MYO5B: variants seen among roughly 807,000 people sequenced by gnomAD.
MYO5B encodes myosin VB, also known as unconventional myosin-Vb.
Under a neutral mutation model 229.3 loss-of-function variants are expected in MYO5B, and 143 were observed. The observed-to-expected ratio is 0.62, with a 90% CI of 0.54 to 0.72. The LOEUF (loss-of-function observed/expected upper bound fraction) is 0.72. Among genes scored for constraint, MYO5B ranks in the 30% least tolerant of loss-of-function variants. The pLI is 0.00. For synonymous variants in MYO5B, 918 were observed against 885.2 expected (o/e 1.04, Z -0.66); for missense variants, 2,321 against 2,331.0 (o/e 1.00, Z 0.09).
intron 1 of MYO5B, among the ~76,000 whole-genome samples, chr18:50,113,155 C>CAA (rs2031896721): frequency 6.6e-6 from 1 of 152,148 alleles, no homozygotes; most frequent in Non-Finnish European, 1.5e-5. Flanking sequence ...CTGTAGTTTC[C>CAA]CATCCATTCT....
intron 33 of MYO5B, among the ~76,000 whole-genome samples, chr18:49,845,447 A>G (rs1382795144): frequency 2.0e-5 from 3 of 152,362 alleles, no homozygotes; most frequent in South Asian, 2.1e-4. Context: ...TCAGTCTTAC[A>G]TAAGTTTCTC....
At position 50,028,325 on chromosome 18, in the gene MYO5B, C is replaced by T. The variant is rs192873115; in HGVS notation, c.455+8525G>A. Among the ~76,000 whole-genome samples the T allele has an allele frequency of 6.3e-4, 96 of 152,272 alleles. No homozygotes were observed. In the East Asian group the frequency reaches 0.018, roughly 28 times the overall value. ...ATGAAACACCTGCCAAAAATAAATG[C>T]ATTTTCAGGCTCCATTAGAAATTCT... is the stretch of plus-strand genomic sequence containing the variant. On this transcript the variant is annotated intron_variant, in intron 4 of 39. Transcript: ENST00000285039.
intron 28 of MYO5B, 86 bp from the exon 29 acceptor site, chr18:49,863,413 T>G (rs2024355362): frequency 8.5e-7 from 1 of 1,178,548 alleles, no homozygotes; most frequent in Admixed American, 1.8e-5. Flanking sequence ...AAAACATGCC[T>G]TTGGGAAAAG....
At chr18:50,191,148 A>G (rs1431301091) in intron 1 of MYO5B, among the ~76,000 whole-genome samples, 1 of 152,258 alleles carries the variant, frequency 6.6e-6, no homozygotes, top group Non-Finnish European at 1.5e-5. Flanking sequence ...GACCATGGTT[A>G]GGCAACTACA....
intron 30 of MYO5B, among the ~76,000 whole-genome samples, chr18:49,854,536 A>AT (rs1176837130): frequency 1.3e-5 from 2 of 152,220 alleles, no homozygotes; most frequent in Non-Finnish European, 2.9e-5. Flanking sequence ...CAGCTTTCCG[A>AT]TTCAGTGCAG....
chr18:49,937,635 C>T (rs897125203), intron 14 of MYO5B, among the ~76,000 whole-genome samples: 7 of 152,124 alleles, frequency 4.6e-5, no homozygotes, highest in African/African-American at 1.7e-4. Context: ...GATTATTCAA[C>T]ATTATTAATA....
At chr18:49,861,169 A>C (rs1371337919) in intron 29 of MYO5B, among the ~76,000 whole-genome samples, 3 of 152,194 alleles carry the variant, frequency 2.0e-5, no homozygotes, top group African/African-American at 7.2e-5. Context: ...CAGGCTATTA[A>C]TTTCCTATTG....
chr18:49,877,720 T>A (rs201795339), intron 25 of MYO5B, 43 bp downstream of exon 25: 10 of 1,612,178 alleles, frequency 6.2e-6, no homozygotes, highest in African/African-American at 1.3e-5. Context: ...AAACACACAC[T>A]CCCTCTGGAG....
chr18:50,114,845 A>G (rs1005746120), intron 1 of MYO5B, among the ~76,000 whole-genome samples: 1 of 152,310 alleles, frequency 6.6e-6, no homozygotes, highest in African/African-American at 2.4e-5. Flanking sequence ...GATAAAGCCC[A>G]TGACAGGAGG....
intron 1 of MYO5B, among the ~76,000 whole-genome samples, chr18:50,139,906 T>C (rs2032392275): frequency 6.6e-6 from 1 of 152,210 alleles, no homozygotes; most frequent in Admixed American, 6.5e-5. Context: ...AGTCTACACA[T>C]AAATATACAT....
chr18:49,917,213 C>T (rs1342253138), intron 17 of MYO5B, among the ~76,000 whole-genome samples: 2 of 152,204 alleles, frequency 1.3e-5, no homozygotes, highest in African/African-American at 2.4e-5. Context: ...CTCTGATCCA[C>T]GTTTAACCCT....
chr18:49,855,245 A>G lies in MYO5B; in HGVS notation c.4022+1568T>C, dbSNP rs183645244. Among the ~76,000 whole-genome samples the G allele has an allele frequency of 2.9e-4, 44 of 152,308 alleles. No individual in the cohort carries two copies. In the East Asian group the frequency reaches 6.9e-3, roughly 24 times the overall value. ...GTTCACTGTTCATGTCTTATTCTCC[A>G]GGTGGACTGTAGCTGACTCAGCCAG... is the stretch of plus-strand genomic sequence containing the variant. On this transcript the variant is annotated intron_variant, in intron 30 of 39. Transcript: ENST00000285039.
At chr18:50,165,263 AC>A (rs2032828953) in intron 1 of MYO5B, among the ~76,000 whole-genome samples, 1 of 151,882 alleles carries the variant, frequency 6.6e-6, no homozygotes, top group Non-Finnish European at 1.5e-5. Flanking sequence ...CAGGAGGATC[AC>A]TTGAGTCCAG....
At chr18:49,900,744 G>A (rs550762000) in intron 21 of MYO5B, among the ~76,000 whole-genome samples, 1 of 152,174 alleles carries the variant, frequency 6.6e-6, no homozygotes, top group Admixed American at 6.5e-5. Flanking sequence ...CCTTCCCTAG[G>A]AGGCACCCTC....
chr18:50,083,397 A>G (rs777636767), intron 1 of MYO5B, among the ~76,000 whole-genome samples: 59 of 152,288 alleles, frequency 3.9e-4, no homozygotes, highest in Non-Finnish European at 7.2e-4. Context: ...CCCTCTAATC[A>G]TGCCTTGGTC....
At chr18:50,096,873 C>A (rs1191735252) in intron 1 of MYO5B, among the ~76,000 whole-genome samples, 1 of 152,180 alleles carries the variant, frequency 6.6e-6, no homozygotes, top group Non-Finnish European at 1.5e-5. Flanking sequence ...AGCATGGCTA[C>A]AATATACCCC....
chr18:49,976,876 G>A (rs559281303), intron 9 of MYO5B, among the ~76,000 whole-genome samples: 2 of 152,194 alleles, frequency 1.3e-5, no homozygotes, highest in South Asian at 4.2e-4. Flanking sequence ...GGACCGCTTG[G>A]CAGGCAACAA....
chr18:49,845,814 CAA>C (rs967532085), intron 33 of MYO5B, among the ~76,000 whole-genome samples: 1 of 152,104 alleles, frequency 6.6e-6, no homozygotes, highest in Non-Finnish European at 1.5e-5. Context: ...AGATGGGGCA[CAA>C]GACTGGAGGG....
chr18:49,873,957 G>A (rs1178955034), intron 26 of MYO5B, among the ~76,000 whole-genome samples: 1 of 152,212 alleles, frequency 6.6e-6, no homozygotes, highest in African/African-American at 2.4e-5. Flanking sequence ...TCTCTCTGCA[G>A]TTGAGACCTG....
Sources: allele counts gnomAD v4.1 joint callset (sites outside exome capture counted in the v4.1 genomes callset), GRCh38; gene constraint gnomAD v4.1.1; transcripts MANE v1.5; gene names NCBI Gene and HGNC (gene_info 2026-07-23, HGNC 2026-07-21).